ANO4: variants seen among roughly 807,000 people sequenced by gnomAD.
ANO4 encodes anoctamin-4.
Under a neutral mutation model 141.9 loss-of-function variants are expected in ANO4, and 69 were observed. That is an observed-to-expected ratio of 0.49 (90% CI 0.40 to 0.59). The LOEUF is 0.59. Ranked by LOEUF, ANO4 falls within the 20% of genes least tolerant of loss-of-function variation. The pLI is 0.00. For missense variants in ANO4, 894 were observed against 1,162.2 expected, an observed-to-expected ratio of 0.77 and a Z score of 3.36; for synonymous variants, 350 against 394.3, an observed-to-expected ratio of 0.89 and a Z score of 1.33.
intron 2 of ANO4, among the ~76,000 whole-genome samples, chr12:100,905,015 GT>G (rs931596908): frequency 2.0e-5 from 3 of 152,138 alleles, no homozygotes; most frequent in African/African-American, 4.8e-5. Context: ...TGACTGAAAA[GT>G]TTTTTTGGCC....
intron 3 of ANO4, among the ~76,000 whole-genome samples, chr12:100,744,799 ACTAT>A (rs1396135638): frequency 6.6e-6 from 1 of 152,054 alleles, no homozygotes; most frequent in Non-Finnish European, 1.5e-5. Flanking sequence ...TCAAGCTCTC[ACTAT>A]CTCTCCTTAG....
At chr12:101,053,298 G>T (rs954173933) in intron 14 of ANO4, among the ~76,000 whole-genome samples, 7 of 152,214 alleles carry the variant, frequency 4.6e-5, no homozygotes, top group African/African-American at 1.7e-4. Context: ...ATTCTTAGGT[G>T]ACAAGAGTAT....
chr12:101,013,626 C>G (rs1404372058), intron 8 of ANO4, among the ~76,000 whole-genome samples: 1 of 152,136 alleles, frequency 6.6e-6, no homozygotes, highest in Admixed American at 6.5e-5. Context: ...CATATAGTAT[C>G]CACCAGCCAC....
At chr12:100,820,826 G>C (rs148770532) in intron 1 of ANO4, among the ~76,000 whole-genome samples, 1 of 152,126 alleles carries the variant, frequency 6.6e-6, no homozygotes, top group African/African-American at 2.4e-5. Flanking sequence ...ATAAAGTGAT[G>C]GATGCTGCTC....
intron 9 of ANO4, among the ~76,000 whole-genome samples, chr12:101,022,656 T>G (rs2046579929): frequency 6.6e-6 from 1 of 152,272 alleles, no homozygotes; most frequent in Admixed American, 6.5e-5. Context: ...TTGCAGTAGC[T>G]GTTCTGAATC....
At chr12:101,073,806 G>A (rs1030219258) in intron 14 of ANO4, among the ~76,000 whole-genome samples, 4 of 152,000 alleles carry the variant, frequency 2.6e-5, no homozygotes, top group South Asian at 2.1e-4. Context: ...GTCGACTAAC[G>A]TTGTGAGAAG....
At chr12:101,102,839 AAAT>A in intron 22 of ANO4, among the ~76,000 whole-genome samples, 1 of 152,130 alleles carries the variant, frequency 6.6e-6, no homozygotes, top group South Asian at 2.1e-4. Context: ...CAGTCCATGA[AAAT>A]GGTATACCTT....
intron 2 of ANO4, among the ~76,000 whole-genome samples, chr12:100,920,106 G>GT (rs1157653175): frequency 3.4e-4 from 52 of 151,964 alleles, no homozygotes; most frequent in Non-Finnish European, 6.8e-4. Flanking sequence ...GAAGTCACTT[G>GT]TTTTTTAGCT....
At chr12:100,992,558 C>T (rs2136357729) in intron 8 of ANO4, among the ~76,000 whole-genome samples, 1 of 152,324 alleles carries the variant, frequency 6.6e-6, no homozygotes, top group East Asian at 1.9e-4. Context: ...ACTAATCCTT[C>T]CAAAGATTGG....
At chr12:100,741,281 A>T (rs1189271815) in intron 3 of ANO4, among the ~76,000 whole-genome samples, 1 of 151,690 alleles carries the variant, frequency 6.6e-6, no homozygotes, top group Non-Finnish European at 1.5e-5. Flanking sequence ...ATACCACGAC[A>T]CTCAACAATT....
At chr12:100,923,233 C>T (rs1265264550) in intron 3 of ANO4, among the ~76,000 whole-genome samples, 1 of 152,006 alleles carries the variant, frequency 6.6e-6, no homozygotes, top group African/African-American at 2.4e-5. Context: ...GTTTGCTGCA[C>T]CCATCAACTC....
At chr12:100,734,124 C>A (rs1316265319) in intron 2 of ANO4, among the ~76,000 whole-genome samples, 3 of 152,166 alleles carry the variant, frequency 2.0e-5, no homozygotes, top group South Asian at 4.1e-4. Context: ...TTGCTTTAAC[C>A]CTTTTGTTTT....
At chr12:100,748,536 A>G (rs1263608044) in intron 3 of ANO4, among the ~76,000 whole-genome samples, 1 of 152,200 alleles carries the variant, frequency 6.6e-6, no homozygotes, top group African/African-American at 2.4e-5. Context: ...AGGGCAATAT[A>G]AATTAGAAAG....
intron 1 of ANO4, among the ~76,000 whole-genome samples, chr12:100,881,173 T>C (rs910477298): frequency 1.1e-4 from 16 of 151,878 alleles, no homozygotes; most frequent in Non-Finnish European, 2.4e-4. Flanking sequence ...TTAGGAGATA[T>C]ACCTAATGCT....
chr12:100,910,567 G>A (rs2041057459), intron 2 of ANO4, among the ~76,000 whole-genome samples: 2 of 152,044 alleles, frequency 1.3e-5, no homozygotes, highest in Non-Finnish European at 2.9e-5. Context: ...ATGGTACTAG[G>A]TTTGGGACTA....
intron 1 of ANO4, among the ~76,000 whole-genome samples, chr12:100,853,424 T>G (rs767355340): frequency 1.2e-4 from 18 of 152,164 alleles, no homozygotes; most frequent in Non-Finnish European, 2.5e-4. Context: ...ACCTTCATAT[T>G]TATTAAAAAG....
rs966518689 is a variant in ANO4 at position 101,099,622 on chromosome 12, A to G, written c.2051A>G (p.His684Arg). Residue 684 changes from histidine to arginine, a missense_variant, in exon 22 of 28, where the codon CAT becomes CGT. Physicochemically the swap from His to Arg is conservative, Grantham distance 29. Coordinates refer to ENST00000392977, the MANE Select transcript of ANO4 (RefSeq NM_001286615.2). Reference protein sequence around the residue: ...WWTRRKVRQEHGPERKISFPQ... With the variant: ...WWTRRKVRQERGPERKISFPQ... The stretch of plus-strand genomic sequence containing the variant: ...ACTAGAAGAAAAGTACGACAAGAAC[A>G]TGGACCTGAAAGGAAAATAAGTTTC... 1 of 1,611,928 alleles carries G rather than the reference A, an allele frequency of 6.2e-7. No homozygotes were observed. Among genetic ancestry groups the G allele is most frequent in the Non-Finnish European group, 8.5e-7 (1 of 1,179,352 alleles).
intron 14 of ANO4, among the ~76,000 whole-genome samples, chr12:101,055,748 T>G (rs921066713): frequency 1.3e-5 from 2 of 152,164 alleles, no homozygotes; most frequent in East Asian, 3.8e-4. Flanking sequence ...AAACTCAAAG[T>G]TTCTAAGATT....
At chr12:100,859,382 C>T (rs528738354) in intron 1 of ANO4, 2 of 152,284 alleles carry the variant, frequency 1.3e-5, no homozygotes, top group African/African-American at 2.4e-5. Context: ...AGAGCACCCT[C>T]CCCATACCAG....
Sources: allele counts gnomAD v4.1 joint callset (sites outside exome capture counted in the v4.1 genomes callset), GRCh38; gene constraint gnomAD v4.1.1; transcripts MANE v1.5; gene names NCBI Gene and HGNC (gene_info 2026-07-23, HGNC 2026-07-21).